The following SH2D4A variants were observed in gnomAD, a reference collection of about 807,000 sequenced individuals.
The protein encoded by SH2D4A is SH2 domain-containing protein 4A.
A neutral mutation model predicts 64.7 loss-of-function variants in SH2D4A; 70 were observed. The ratio of observed to expected loss-of-function variants is 1.08; its 90% CI spans 0.89 to 1.32. The LOEUF is 1.32. SH2D4A is among the 40% of genes most tolerant of loss of function. The pLI is 0.00. For missense variants in SH2D4A, 706 were observed against 540.1 expected (o/e 1.31, Z -3.04); for synonymous variants, 268 against 200.7 (o/e 1.34, Z -2.83).
chr8:19,388,663 G>T (rs1015838191), intron 8 of SH2D4A, among the ~76,000 whole-genome samples: 8 of 152,132 alleles, frequency 5.3e-5, no homozygotes, highest in African/African-American at 1.9e-4. Context: ...AATAATATTA[G>T]ACCTCGTGGC....
At position 19,393,527 on chromosome 8, in the gene SH2D4A, G is replaced by A. The variant is rs2053533459; in HGVS notation, c.1258G>A (p.Val420Met). ...ACAGCATGCCACCTTGGCGGATTTG[G>A]TGGAATATCACAAGGTGAAGCAATG... ...QLQHATLADL[V>M]EYHKEEPITS... Residue 420 changes from valine to methionine, a missense_variant, in exon 9 of 10, where the codon GTG becomes ATG. By Grantham distance (21) the Val-to-Met change is conservative. Transcript: ENST00000265807. 6.2e-7 allele frequency: 1 copy of A among 1,614,170 alleles called. No individual in the cohort carries two copies. The highest frequency in any genetic ancestry group is 2.2e-5 in the East Asian group (1 of 44,876).
In SH2D4A at chr8:19,333,069, C is replaced by T; in HGVS notation, c.296C>T (p.Ala99Val). The T allele has an allele frequency of 6.2e-7, 1 of 1,613,824 alleles. No individual in the cohort carries two copies. Among genetic ancestry groups the T allele is most frequent in the Non-Finnish European group, 8.5e-7 (1 of 1,179,950 alleles). ...GATGTGCTCTGTAATGAAATTATTG[C>T]TGAGAGGGCCCGGCTGAAAGCAGAA... Reference protein sequence around the residue: ...PYDVLCNEIIAERARLKAEQE... With the variant: ...PYDVLCNEIIVERARLKAEQE... Residue 99 changes from alanine to valine, a missense_variant, in exon 3 of 10, where the codon GCT (alanine) becomes GTT (valine). Ala to Val is a moderately conservative substitution (Grantham distance 64, BLOSUM62 0). Transcript: ENST00000265807.
At chr8:19,364,013 G>T in intron 6 of SH2D4A, 59 bp from the exon 7 acceptor site, 1 of 1,547,642 alleles carries the variant, frequency 6.5e-7, no homozygotes, top group East Asian at 2.3e-5. Flanking sequence ...TGAATGCTGA[G>T]CCTTCTCACC....
intron 9 of SH2D4A, among the ~76,000 whole-genome samples, chr8:19,394,246 T>G (rs1295734879): frequency 6.6e-6 from 1 of 152,150 alleles, no homozygotes; most frequent in African/African-American, 2.4e-5. Flanking sequence ...GAAGCTTCAC[T>G]CCACTGCTCA....
Position 19,373,639 on chromosome 8 carries a change from ACCATAGCC to A in SH2D4A, c.1030_1037del (p.Ile344LeufsTer13). 1.2e-6 allele frequency: 2 copies of A among 1,613,272 alleles called. No individual in the cohort carries two copies. The highest frequency in any genetic ancestry group is 1.7e-6 in the Non-Finnish European group (2 of 1,179,576). On this transcript the variant is annotated frameshift_variant, in exon 8 of 10. Coordinates refer to ENST00000265807, the MANE Select transcript of SH2D4A (RefSeq NM_022071.4). LOFTEE classifies it high-confidence loss of function. ...AGCGGGCTACCAGAAAACCTCAGACACCATAGCCCCCTGGTTCCATGGTGAGTGCAGAG... is the reference window on the plus strand; with the variant it reads ...AGCGGGCTACCAGAAAACCTCAGACACCCTGGTTCCATGGTGAGTGCAGAG...
At chr8:19,355,751 T>TCATAATACGG (rs2052781941) in intron 4 of SH2D4A, among the ~76,000 whole-genome samples, 1 of 152,160 alleles carries the variant, frequency 6.6e-6, no homozygotes, top group South Asian at 2.1e-4. Flanking sequence ...TGGTGCCGGG[T>TCATAATACGG]CATAATACGT....
At chr8:19,314,014 G>C in intron 1 of SH2D4A, 191 bp downstream of exon 1, 8 of 1,233,610 alleles carry the variant, frequency 6.5e-6, no homozygotes, top group Middle Eastern at 3.1e-4. Flanking sequence ...GTTGGGCGGC[G>C]AGAGCGGCCG....
At chr8:19,361,111 C>CA in intron 5 of SH2D4A, 92 bp from the exon 6 acceptor site, 1 of 519,624 alleles carries the variant, frequency 1.9e-6, no homozygotes, top group Non-Finnish European at 3.0e-6. Flanking sequence ...GTGCCGGGTA[C>CA]CCCGTCCTTC....
intron 7 of SH2D4A, among the ~76,000 whole-genome samples, chr8:19,364,717 C>A (rs1322485344): frequency 6.6e-6 from 1 of 152,140 alleles, no homozygotes; most frequent in Non-Finnish European, 1.5e-5. Context: ...TGCTGACTTT[C>A]GTGTGATCAG....
In SH2D4A at chr8:19,393,462, C is replaced by G. The variant is rs751295441; in HGVS notation, c.1193C>G (p.Ala398Gly). 6.2e-7 allele frequency: 1 copy of G among 1,614,254 alleles called. No individual in the cohort carries two copies. Among genetic ancestry groups the G allele is most frequent in the South Asian group, 1.1e-5 (1 of 91,090 alleles). ...EDGCKHFLID[A>G]SADAYSFLGV... ...GGCTGTAAACATTTCCTCATCGATGCCTCTGCAGACGCCTACAGCTTCCTG... is the reference window on the plus strand; with the variant it reads ...GGCTGTAAACATTTCCTCATCGATGGCTCTGCAGACGCCTACAGCTTCCTG... Residue 398 changes from alanine (A) to glycine (G), a missense_variant, in exon 9 of 10, where the codon GCC becomes GGC. Transcript: ENST00000265807.
chr8:19,394,517 A>G (rs191960810), intron 9 of SH2D4A, 33 bp from the exon 10 acceptor site: 5 of 1,488,134 alleles, frequency 3.4e-6, no homozygotes, highest in African/African-American at 2.8e-5. Context: ...GTCACTACTT[A>G]CACTATCTGA....
chr8:19,386,938 C>T (rs2053403397), intron 8 of SH2D4A, among the ~76,000 whole-genome samples: 1 of 152,170 alleles, frequency 6.6e-6, no homozygotes, highest in African/African-American at 2.4e-5. Context: ...TACCACCACA[C>T]CCAGATGATA....
chr8:19,313,883 G>A (rs1337168205), intron 1 of SH2D4A, 60 bp downstream of exon 1: 15 of 1,385,006 alleles, frequency 1.1e-5, no homozygotes, highest in Non-Finnish European at 1.4e-5. Context: ...GGAGTAGGGG[G>A]AAGGGAATTT....
chr8:19,324,461 C>T (rs2052242987), intron 2 of SH2D4A, among the ~76,000 whole-genome samples: 1 of 152,158 alleles, frequency 6.6e-6, no homozygotes, highest in Non-Finnish European at 1.5e-5. Context: ...GTTTGCCTCC[C>T]TGTCTTTCCC....
intron 6 of SH2D4A, among the ~76,000 whole-genome samples, chr8:19,361,804 G>A (rs1040494734): frequency 6.6e-6 from 1 of 151,504 alleles, no homozygotes; most frequent in Admixed American, 6.6e-5. Flanking sequence ...ATTGTGTTTT[G>A]GATTTTTTTT....
chr8:19,340,242 G>A (rs1238164877), intron 4 of SH2D4A, among the ~76,000 whole-genome samples: 1 of 152,152 alleles, frequency 6.6e-6, no homozygotes. Flanking sequence ...GGGGGGTGGG[G>A]CAGGGCCAGG....
chr8:19,318,229 G>A (rs909341355), intron 1 of SH2D4A, among the ~76,000 whole-genome samples: 3 of 152,158 alleles, frequency 2.0e-5, no homozygotes, highest in Non-Finnish European at 2.9e-5. Flanking sequence ...TAGGACACAT[G>A]TGATTCTGAA....
In SH2D4A at chr8:19,343,800, A is replaced by G. The variant is rs146155879; in HGVS notation, c.513+8943A>G. Among the ~76,000 whole-genome samples, 136 of 152,238 alleles carry G rather than the reference A, an allele frequency of 8.9e-4. 1 individual carries two copies. In the East Asian group the frequency reaches 0.023, roughly 26 times the overall value. On this transcript the variant is annotated intron_variant, in intron 4 of 9. Transcript: ENST00000265807. ...AGGTTTTCATCTTTCAGGAGTTTTA[A>G]CCTCTGAAAAGAGCAGCAGTGAGTG...
intron 8 of SH2D4A, among the ~76,000 whole-genome samples, chr8:19,384,253 G>A (rs1326434507): frequency 6.6e-6 from 1 of 152,020 alleles, no homozygotes; most frequent in African/African-American, 2.4e-5. Flanking sequence ...AGAGAATGAA[G>A]TTTTTTGGGT....
Sources: gnomAD v4.1 joint callset for allele counts (sites outside exome capture counted in the v4.1 genomes callset) on GRCh38, gnomAD v4.1.1 for gene constraint, MANE v1.5 for transcripts, NCBI Gene and HGNC (gene_info 2026-07-23, HGNC 2026-07-21) for gene names.